The following GOLGA3 variants were observed in gnomAD, a reference collection of about 807,000 sequenced individuals.
The protein encoded by GOLGA3 is golgin subfamily A member 3.
Under a neutral mutation model 169.4 loss-of-function variants are expected in GOLGA3, and 75 were observed. The observed-to-expected ratio is 0.44, with a 90% CI of 0.37 to 0.54. The LOEUF is 0.54. Ranked by LOEUF, GOLGA3 falls within the 20% of genes least tolerant of loss-of-function variation. The pLI, the probability that GOLGA3 is intolerant of heterozygous loss-of-function variation, is 0.00. For synonymous variants in GOLGA3, 824 were observed against 822.4 expected (o/e 1.00, Z -0.03); for missense variants, 1,899 against 1,930.0 (o/e 0.98, Z 0.30).
At position 132,796,229 on chromosome 12, in the gene GOLGA3, G is replaced by C; in HGVS notation, c.2101-9C>G. On this transcript the variant is annotated splice_polypyrimidine_tract_variant and intron_variant, in intron 10 of 23. Transcript: ENST00000450791. The stretch of plus-strand genomic sequence containing the variant: ...AGTAAAGTCAACTTCACCTGGAGAA[G>C]GAATGAAGCCCACATGGCTGCGCCT... The C allele has an allele frequency of 1.3e-5, 21 of 1,581,076 alleles. No homozygotes were observed. Among genetic ancestry groups the C allele is most frequent in the Non-Finnish European group, 1.8e-5 (21 of 1,161,752 alleles).
At chr12:132,779,643 A>G (rs1383331075) in intron 18 of GOLGA3, among the ~76,000 whole-genome samples, 2 of 152,212 alleles carry the variant, frequency 1.3e-5, no homozygotes, top group Admixed American at 6.5e-5. Context: ...GCCTTTCTCT[A>G]GAGACAACCA....
intron 2 of GOLGA3, among the ~76,000 whole-genome samples, chr12:132,819,402 G>A (rs147518998): frequency 0.01 from 1,561 of 152,268 alleles, 16 homozygotes; most frequent in African/African-American, 0.034. Flanking sequence ...GGTGGCGGGC[G>A]CCTATAGTCC....
intron 2 of GOLGA3, among the ~76,000 whole-genome samples, chr12:132,821,292 A>G (rs1327397022): frequency 6.6e-6 from 1 of 151,896 alleles, no homozygotes; most frequent in East Asian, 1.9e-4. Flanking sequence ...CTGTAATCCC[A>G]GCTACTCGGG....
intron 22 of GOLGA3, 147 bp from the exon 23 acceptor site, chr12:132,774,467 G>T: frequency 1.3e-6 from 1 of 778,702 alleles, no homozygotes; most frequent in Non-Finnish European, 2.1e-6. Context: ...TGGCAGCCCA[G>T]CACGACAGTC....
chr12:132,800,307 A>T (rs1338122439), intron 8 of GOLGA3, among the ~76,000 whole-genome samples: 1 of 152,142 alleles, frequency 6.6e-6, no homozygotes, highest in African/African-American at 2.4e-5. Flanking sequence ...GAGCTTGGCC[A>T]ATATGGTGAA....
chr12:132,787,761 C>T (rs1319125727), intron 13 of GOLGA3, among the ~76,000 whole-genome samples: 1 of 61,718 alleles, frequency 1.6e-5, no homozygotes, highest in African/African-American at 8.0e-5. Context: ...CGGGACCCCT[C>T]CCCGGAGACC....
chr12:132,786,948 A>G (rs2045934834), intron 13 of GOLGA3, among the ~76,000 whole-genome samples, 161 bp from the exon 14 acceptor site: 1 of 149,054 alleles, frequency 6.7e-6, no homozygotes, highest in South Asian at 2.1e-4. Context: ...GCCTTCTTAC[A>G]AACCACTCTT....
intron 7 of GOLGA3, among the ~76,000 whole-genome samples, chr12:132,803,670 G>A (rs1301481707): frequency 6.7e-6 from 1 of 148,930 alleles, no homozygotes; most frequent in Non-Finnish European, 1.5e-5. Context: ...TCTCTCGGCC[G>A]GCTTTCTCTT....
chr12:132,810,863 C>G (rs1371276145), intron 4 of GOLGA3, among the ~76,000 whole-genome samples: 3 of 152,270 alleles, frequency 2.0e-5, no homozygotes, highest in Non-Finnish European at 4.4e-5. Flanking sequence ...ACCTGTGATG[C>G]TGTGCTTCAG....
intron 3 of GOLGA3, among the ~76,000 whole-genome samples, chr12:132,815,225 G>A (rs1429545520): frequency 6.6e-6 from 1 of 152,200 alleles, no homozygotes; most frequent in Non-Finnish European, 1.5e-5. Flanking sequence ...CAGGCCTATG[G>A]CCACCAGGCA....
chr12:132,804,462 C>T lies in GOLGA3; in HGVS notation c.1597+254G>A, dbSNP rs1389329348. On this transcript the variant is annotated intron_variant, in intron 7 of 23. Transcript: ENST00000450791. This position sits in a 1 kb window ranked among gnomAD's most constrained non-coding sequence, Gnocchi z 4.1. ...GTAAACTATAAACCAATGCAACCCT[C>T]ACAGGCACAGTCACATGCCGACAGA... Among the ~76,000 whole-genome samples, 1 of 152,232 alleles carries T rather than the reference C, an allele frequency of 6.6e-6. No individual in the cohort carries two copies. The highest frequency in any genetic ancestry group is 1.5e-5 in the Non-Finnish European group (1 of 68,054).
chr12:132,813,542 C>A, intron 3 of GOLGA3, 123 bp from the exon 4 acceptor site: 1 of 572,318 alleles, frequency 1.7e-6, no homozygotes. Context: ...CAATGCACAG[C>A]CATCTTGTTT....
At chr12:132,824,470 A>C (rs1248492599) in intron 1 of GOLGA3, among the ~76,000 whole-genome samples, 1 of 152,272 alleles carries the variant, frequency 6.6e-6, no homozygotes, top group African/African-American at 2.4e-5. Context: ...AAGCACTGTG[A>C]ATAGAAATGT....
At chr12:132,798,585 G>A (rs1948985370) in intron 8 of GOLGA3, 108 bp from the exon 9 acceptor site, 2 of 925,144 alleles carry the variant, frequency 2.2e-6, no homozygotes, top group South Asian at 3.2e-5. Flanking sequence ...TGCCCCCTCA[G>A]TGTCTCCCAC....
At chr12:132,810,347 G>T (rs192587022) in intron 4 of GOLGA3, among the ~76,000 whole-genome samples, 59 of 151,122 alleles carry the variant, frequency 3.9e-4, no homozygotes, top group Non-Finnish European at 8.4e-4. Flanking sequence ...CTGCTTGCAC[G>T]TGTGGGCGGC....
In GOLGA3 at chr12:132,772,473, G is replaced by C. The variant is rs980939764; in HGVS notation, c.*632C>G. 3 of 151,008 alleles carry C rather than the reference G, an allele frequency of 2.0e-5. No homozygotes were observed. The highest frequency in any genetic ancestry group is 4.4e-5 in the Non-Finnish European group (3 of 67,828). 9.4% of individuals were successfully genotyped at this position (151,008 alleles called of 1,614,324 possible). ...GCAGGAGAATCGCATGAACCTGGGA[G>C]GCGGAGCTTGCAGTGAGCGGAGAGT... On this transcript the variant is annotated 3_prime_UTR_variant, in exon 24 of 24. Transcript: ENST00000450791.
intron 2 of GOLGA3, among the ~76,000 whole-genome samples, chr12:132,820,868 G>A (rs1950175895): frequency 6.6e-6 from 1 of 152,038 alleles, no homozygotes; most frequent in Admixed American, 6.6e-5. Context: ...TTGGGGCTGA[G>A]GTGGGTGGAT....
intron 18 of GOLGA3, among the ~76,000 whole-genome samples, chr12:132,780,374 C>G (rs1022098399): frequency 2.6e-5 from 4 of 152,304 alleles, no homozygotes; most frequent in African/African-American, 9.6e-5. Flanking sequence ...GGCGACGTGA[C>G]CAACGTGTCA....
intron 4 of GOLGA3, among the ~76,000 whole-genome samples, chr12:132,809,502 C>T (rs1949595608): frequency 6.9e-6 from 1 of 145,836 alleles, no homozygotes; most frequent in Admixed American, 7.0e-5. Flanking sequence ...CTTTTGCTAC[C>T]GCTGGACCAC....
Sources: allele counts gnomAD v4.1 joint callset (sites outside exome capture counted in the v4.1 genomes callset), GRCh38; gene constraint gnomAD v4.1.1; non-coding constraint Gnocchi (gnomAD v3.1); transcripts MANE v1.5; gene names NCBI Gene and HGNC (gene_info 2026-07-23, HGNC 2026-07-21).